The following MYRFL variants were observed in gnomAD, a reference collection of about 807,000 sequenced individuals.
The protein encoded by MYRFL is myelin regulatory factor-like protein.
Under a neutral mutation model 109.4 loss-of-function variants are expected in MYRFL, and 88 were observed. The observed-to-expected ratio is 0.80, with a 90% CI of 0.68 to 0.96. The LOEUF (loss-of-function observed/expected upper bound fraction) is 0.96. Among genes scored for constraint, MYRFL ranks in the 40% least tolerant of loss-of-function variants. The pLI, the probability that MYRFL is intolerant of heterozygous loss-of-function variation, is 0.00. For synonymous variants in MYRFL, 324 were observed against 320.9 expected (o/e 1.01, Z -0.10); for missense variants, 957 against 954.9 (o/e 1.00, Z -0.03).
chr12:69,830,473 A>G (rs930513870), intron 1 of MYRFL, among the ~76,000 whole-genome samples: 2 of 148,912 alleles, frequency 1.3e-5, no homozygotes, highest in Non-Finnish European at 3.0e-5. Context: ...ATATAGATAT[A>G]TAGAGATATC....
chr12:69,948,685 C>A (rs183692265), intron 19 of MYRFL, among the ~76,000 whole-genome samples: 1 of 151,698 alleles, frequency 6.6e-6, no homozygotes, highest in East Asian at 2.0e-4. Context: ...GACTTTTTGG[C>A]AGCATATGTG....
chr12:69,937,285 T>C (rs1258494446), intron 19 of MYRFL, among the ~76,000 whole-genome samples: 1 of 151,996 alleles, frequency 6.6e-6, no homozygotes, highest in African/African-American at 2.4e-5. Context: ...TTTTTAGAAA[T>C]TTTATTCTAT....
In MYRFL at chr12:69,850,329, A is replaced by G. The variant is rs562342249; in HGVS notation, c.47-4951A>G. ...TGGATAGAAATTATCATTATAAGAA[A>G]TGATCTTATATGCACTATTTTAATA... On this transcript the variant is annotated intron_variant, in intron 1 of 24. Transcript: ENST00000552032. Among the ~76,000 whole-genome samples the G allele has an allele frequency of 2.2e-4, 33 of 152,152 alleles. No homozygotes were observed. In the South Asian group the frequency reaches 6.8e-3, roughly 32 times the overall value.
intron 22 of MYRFL, among the ~76,000 whole-genome samples, chr12:69,955,689 G>A (rs1381788295): frequency 6.6e-6 from 1 of 152,124 alleles, no homozygotes; most frequent in Non-Finnish European, 1.5e-5. Flanking sequence ...AGTGATTTTG[G>A]TTTGATACTC....
chr12:69,846,310 G>A (rs1883540250), intron 1 of MYRFL, among the ~76,000 whole-genome samples: 2 of 150,482 alleles, frequency 1.3e-5, no homozygotes. Context: ...TTTAGCATTA[G>A]GTATATCTCC....
intron 2 of MYRFL, among the ~76,000 whole-genome samples, chr12:69,873,837 G>C (rs1042577116): frequency 1.6e-5 from 1 of 63,440 alleles, no homozygotes; most frequent in Non-Finnish European, 3.1e-5. Flanking sequence ...TTAATTATTT[G>C]TCTGTCTTTT....
chr12:69,859,542 G>A (rs970405242), intron 2 of MYRFL, among the ~76,000 whole-genome samples: 2 of 152,188 alleles, frequency 1.3e-5, no homozygotes, highest in South Asian at 4.1e-4. Flanking sequence ...GTGGTTAAGT[G>A]CAAACACATT....
intron 10 of MYRFL, among the ~76,000 whole-genome samples, chr12:69,899,918 C>T (rs904254902): frequency 6.6e-6 from 1 of 152,196 alleles, no homozygotes; most frequent in Non-Finnish European, 1.5e-5. Flanking sequence ...TTTCTGGGAG[C>T]ATTTCCCAGT....
intron 10 of MYRFL, among the ~76,000 whole-genome samples, chr12:69,903,381 C>A (rs1016148756): frequency 6.6e-6 from 1 of 152,248 alleles, no homozygotes; most frequent in Non-Finnish European, 1.5e-5. Context: ...ATTCTTAATT[C>A]CAGATAGATG....
chr12:69,871,407 T>C (rs959157771), intron 2 of MYRFL, among the ~76,000 whole-genome samples: 1 of 151,988 alleles, frequency 6.6e-6, no homozygotes, highest in Admixed American at 6.6e-5. Flanking sequence ...TTTTTGTATT[T>C]TTTTTTAGTA....
chr12:69,949,439 C>T (rs1476480564), intron 19 of MYRFL, among the ~76,000 whole-genome samples: 1 of 152,102 alleles, frequency 6.6e-6, no homozygotes. Flanking sequence ...GGAGCCTAGC[C>T]ACTCCCTGGG....
At chr12:69,895,249 T>C (rs1953947815) in intron 8 of MYRFL, 122 bp from the exon 9 acceptor site, 2 of 701,722 alleles carry the variant, frequency 2.9e-6, no homozygotes. Flanking sequence ...TAAACTGTTC[T>C]CTCAGTGTGG....
At chr12:69,890,128 T>G (rs2136337684) in intron 6 of MYRFL, among the ~76,000 whole-genome samples, 1 of 152,312 alleles carries the variant, frequency 6.6e-6, no homozygotes, top group Admixed American at 6.5e-5. Context: ...TATAACTGGC[T>G]CTGGTTGATT....
intron 1 of MYRFL, among the ~76,000 whole-genome samples, chr12:69,852,685 T>A (rs1222813110): frequency 6.7e-6 from 1 of 150,070 alleles, no homozygotes; most frequent in African/African-American, 2.5e-5. Flanking sequence ...GGTCAGCAGA[T>A]AAACATGTGA....
intron 19 of MYRFL, among the ~76,000 whole-genome samples, chr12:69,948,585 C>A (rs921744829): frequency 6.6e-6 from 1 of 152,178 alleles, no homozygotes; most frequent in Non-Finnish European, 1.5e-5. Flanking sequence ...AAATTTACAA[C>A]CTTCTGTGGA....
At chr12:69,908,201 T>C (rs1240275) in intron 11 of MYRFL, among the ~76,000 whole-genome samples, 110,321 of 152,138 alleles carry the variant, frequency 0.73, 40,203 homozygotes, top group East Asian at 0.79. Flanking sequence ...AGGAATTGTA[T>C]TTGAAACTGG....
At chr12:69,926,117 CTTTTTTT>C (rs147973443) in intron 13 of MYRFL, among the ~76,000 whole-genome samples, 7 of 84,850 alleles carry the variant, frequency 8.2e-5, no homozygotes, top group Non-Finnish European at 1.3e-4. Flanking sequence ...TCTTCTTCTT[CTTTTTTT>C]TTTTTTTTTT....
intron 11 of MYRFL, among the ~76,000 whole-genome samples, chr12:69,906,375 G>A (rs1954359373): frequency 6.6e-6 from 1 of 152,074 alleles, no homozygotes; most frequent in Admixed American, 6.5e-5. Flanking sequence ...TGCAGACTGT[G>A]GAAGGACATG....
intron 19 of MYRFL, 88 bp downstream of exon 19, chr12:69,936,720 T>G (rs1955483350): frequency 8.3e-7 from 1 of 1,206,082 alleles, no homozygotes; most frequent in Non-Finnish European, 1.1e-6. Flanking sequence ...CATTAATGGT[T>G]CCAGATAATG....
Sources: allele counts gnomAD v4.1 joint callset (sites outside exome capture counted in the v4.1 genomes callset), GRCh38; gene constraint gnomAD v4.1.1; transcripts MANE v1.5; gene names NCBI Gene and HGNC (gene_info 2026-07-23, HGNC 2026-07-21).